The following SLC6A18 variants were observed in gnomAD, a reference collection of about 807,000 sequenced individuals.
The protein encoded by SLC6A18 is solute carrier family 6 member 18, also known as inactive sodium-dependent neutral amino acid transporter B(0)AT3.
In SLC6A18, 58 loss-of-function variants were observed where a neutral mutation model predicts 62.9. The ratio of observed to expected loss-of-function variants is 0.92; its 90% CI spans 0.75 to 1.15. SLC6A18 has a LOEUF of 1.15. Ranked by LOEUF, SLC6A18 falls within the 50% of genes most tolerant of loss-of-function variation. The pLI is 0.00. For missense variants in SLC6A18, 793 were observed against 836.6 expected, an observed-to-expected ratio of 0.95 and a Z score of 0.64; for synonymous variants, 382 against 365.8, an observed-to-expected ratio of 1.04 and a Z score of -0.51.
chr5:1,244,486 C>T (rs1747161215), intron 10 of SLC6A18, 113 bp downstream of exon 10: 1 of 1,552,416 alleles, frequency 6.4e-7, no homozygotes, highest in African/African-American at 1.4e-5. Flanking sequence ...AATGTTCTGC[C>T]CTGGGGAGCT....
At position 1,245,998 on chromosome 5, in the gene SLC6A18, G is replaced by T. The variant is rs765478818; in HGVS notation, c.1807G>T (p.Ala603Ser). 2.5e-6 allele frequency: 4 copies of T among 1,597,124 alleles called. No homozygotes were observed. Among genetic ancestry groups the T allele is most frequent in the African/African-American group, 2.7e-5 (2 of 74,770 alleles). ...GAGGCGGACGTGGAGGGACAGGGAC[G>T]CGCGCCCAGACACGGACATGCGCCC... is the stretch of plus-strand genomic sequence containing the variant. ...RRRRTWRDRD[A>S]RPDTDMRPDT... Residue 603 changes from alanine to serine, a missense_variant, in exon 12 of 12, where the codon GCG (alanine) becomes TCG (serine). Ala to Ser is a moderately conservative substitution (Grantham distance 99). Coordinates refer to ENST00000324642, the MANE Select transcript of SLC6A18 (RefSeq NM_182632.3).
At position 1,243,642 on chromosome 5, in the gene SLC6A18, T is replaced by G; in HGVS notation, c.1219T>G (p.Phe407Val). Residue 407 changes from phenylalanine to valine, a missense_variant, in exon 9 of 12, where the codon TTC becomes GTC. Transcript: ENST00000324642. The surrounding 1 kb of genome is among the most constrained non-coding windows in gnomAD (Gnocchi z 6.5). ...GGCTCCTGTGTGGGCCATGCTCTTC[T>G]TCGGGATGCTGTTCACCTTGGGGCT... ...PGAPVWAMLF[F>V]GMLFTLGLST... 1 of 1,614,118 alleles carries G rather than the reference T, an allele frequency of 6.2e-7. No homozygotes were observed. Among genetic ancestry groups the G allele is most frequent in the Non-Finnish European group, 8.5e-7 (1 of 1,180,012 alleles).
rs1341446193 is a variant in SLC6A18, at chr5:1,244,378, G to T, written c.1496+5G>T. The T allele has an allele frequency of 8.1e-6, 13 of 1,613,796 alleles. No homozygotes were observed. Among genetic ancestry groups the T allele is most frequent in the South Asian group, 4.4e-5 (4 of 91,076 alleles). ...TTATGTTTATGGAATGAAACGGTGA[G>T]CTGCCGCCCCGCCGAGTGCTCCTCT... On this transcript the variant is annotated splice_donor_5th_base_variant and intron_variant, in intron 10 of 11. Transcript: ENST00000324642.
intron 9 of SLC6A18, among the ~76,000 whole-genome samples, 200 bp from the exon 10 acceptor site, chr5:1,244,014 C>T (rs1747142198): frequency 6.6e-6 from 1 of 152,154 alleles, no homozygotes; most frequent in Non-Finnish European, 1.5e-5. Context: ...CAGGTCCTTC[C>T]TGCTCCTTGA....
rs569017258 is a variant in SLC6A18, at chr5:1,235,256, G to A, written c.440-225G>A. 3.5e-4 allele frequency among the ~76,000 whole-genome samples: 54 copies of A among 152,318 alleles called. No individual in the cohort carries two copies. The East Asian group carries it at 6.9e-3, about 20-fold the overall frequency. The stretch of plus-strand genomic sequence containing the variant: ...AGGCTGCCCCGGCTCAGCAGGGCTC[G>A]TAAACCTTCGCAAAGTGGAGCTTCC... On this transcript the variant is annotated intron_variant, in intron 3 of 11. Coordinates refer to ENST00000324642, the MANE Select transcript of SLC6A18 (RefSeq NM_182632.3).
chr5:1,243,723 G>A lies in SLC6A18; in HGVS notation c.1300G>A (p.Val434Ile), dbSNP rs745545985. The A allele has an allele frequency of 1.8e-5, 29 of 1,613,072 alleles. No homozygotes were observed. The highest frequency in any genetic ancestry group is 2.5e-5 in the Non-Finnish European group (29 of 1,179,750). The change falls in exon 9 of 12, where the codon GTC becomes ATC. Residue 434 changes from valine (V) to isoleucine (I), a missense_variant. By Grantham distance (29) the Val-to-Ile change is conservative (BLOSUM62 3). Transcript: ENST00000324642. The surrounding 1 kb of genome is among the most constrained non-coding windows in gnomAD (Gnocchi z 6.5). ...CATCACACCCCTGCTGGACGTGGGG[G>A]TCCTGCCTAGATGGGTCCCCAAGGA... ...AVITPLLDVG[V>I]LPRWVPKEAL...
rs924665202 is a variant in SLC6A18, at chr5:1,246,120, G to T, written c.*42G>T. 7 of 1,521,516 alleles carry T rather than the reference G, an allele frequency of 4.6e-6. No individual in the cohort carries two copies. The highest frequency in any genetic ancestry group is 6.1e-6 in the Non-Finnish European group (7 of 1,140,160). The allele number at this position is 1,521,516 out of a possible 1,614,324, so 94.3% of individuals were successfully genotyped here. ...GCCTGCATGGGCGGGTCTGTGGGGG[G>T]GCTTGGCCTGATGGTGGGCGGGGCC... On this transcript the variant is annotated 3_prime_UTR_variant, in exon 12 of 12. Transcript: ENST00000324642.
Position 1,241,876 on chromosome 5 carries a change from C to T in SLC6A18, c.975-831C>T, listed in dbSNP as rs1331964817. Among the ~76,000 whole-genome samples the T allele has an allele frequency of 6.6e-6, 1 of 152,330 alleles. No homozygotes were observed. Among genetic ancestry groups the T allele is most frequent in the East Asian group, 1.9e-4 (1 of 5,192 alleles). On this transcript the variant is annotated intron_variant, in intron 7 of 11. Transcript: ENST00000324642. This position sits in a 1 kb window ranked among gnomAD's most constrained non-coding sequence, Gnocchi z 7.8. ...GACCAGCCGTGCGCACAACGCCCTGCGCCGTGCAGCCCAAGCTGGCCTCGT... is the reference window on the plus strand; with the variant it reads ...GACCAGCCGTGCGCACAACGCCCTGTGCCGTGCAGCCCAAGCTGGCCTCGT...
At chr5:1,232,473 G>A in intron 2 of SLC6A18, 114 bp downstream of exon 2, 1 of 1,400,078 alleles carries the variant, frequency 7.1e-7, no homozygotes. Context: ...GCCAGGCCAG[G>A]CCGGCGGGTG....
At chr5:1,239,677 A>C in intron 6 of SLC6A18, 115 bp downstream of exon 6, 1 of 793,888 alleles carries the variant, frequency 1.3e-6, no homozygotes, top group Non-Finnish European at 2.1e-6. Flanking sequence ...AACCTGAGAT[A>C]AGAACCTCAC....
chr5:1,232,092 C>G, intron 1 of SLC6A18, 127 bp from the exon 2 acceptor site: 1 of 817,876 alleles, frequency 1.2e-6, no homozygotes, highest in East Asian at 2.7e-5. Flanking sequence ...CTCCACCACC[C>G]AAGTGGTGCC....
At chr5:1,233,926 A>T (rs568454665) in intron 3 of SLC6A18, among the ~76,000 whole-genome samples, 1 of 151,960 alleles carries the variant, frequency 6.6e-6, no homozygotes, top group Non-Finnish European at 1.5e-5. Context: ...TATTTTTAGT[A>T]GAGACGGGGT....
intron 5 of SLC6A18, among the ~76,000 whole-genome samples, chr5:1,239,248 A>G (rs1466142081): frequency 6.6e-6 from 1 of 152,234 alleles, no homozygotes; most frequent in Non-Finnish European, 1.5e-5. Flanking sequence ...CATCCCGGAC[A>G]GGGGCCTGGC....
At chr5:1,244,163 A>AC in intron 9 of SLC6A18, 51 bp from the exon 10 acceptor site, 1 of 958,992 alleles carries the variant, frequency 1.0e-6, no homozygotes, top group South Asian at 1.5e-5. Context: ...CCCTCCCCAC[A>AC]CCTCCACTCC....
At chr5:1,240,389 G>A in intron 6 of SLC6A18, 142 bp from the exon 7 acceptor site, 5 of 1,251,252 alleles carry the variant, frequency 4.0e-6, no homozygotes, top group Non-Finnish European at 5.5e-6. Flanking sequence ...TCCAGGACTG[G>A]CAGCAGCAGC....
Position 1,232,825 on chromosome 5 carries a change from C to A in SLC6A18, c.376C>A (p.Leu126Ile). ...NTIVAWVLWYLLNSFQHPLPW... is the reference protein window; with the variant it reads ...NTIVAWVLWYILNSFQHPLPW... ...CATCGTGGCGTGGGTGCTGTGGTAC[C>A]TCCTCAACTCCTTCCAGCACCCGCT... Residue 126 changes from leucine (L) to isoleucine (I), a missense_variant, in exon 3 of 12, where the codon CTC (leucine) becomes ATC (isoleucine). Physicochemically the swap from Leu to Ile is conservative, Grantham distance 5 (BLOSUM62 2). Coordinates refer to ENST00000324642, the MANE Select transcript of SLC6A18 (RefSeq NM_182632.3). 6.2e-7 allele frequency: 1 copy of A among 1,613,356 alleles called. No individual in the cohort carries two copies. The highest frequency in any genetic ancestry group is 8.5e-7 in the Non-Finnish European group (1 of 1,179,994).
intron 9 of SLC6A18, 41 bp from the exon 10 acceptor site, chr5:1,244,169 ACTCC>A: frequency 1.7e-6 from 1 of 602,358 alleles, no homozygotes; most frequent in Non-Finnish European, 2.8e-6. Context: ...CCACACCTCC[ACTCC>A]CCATCCCCTT....
intron 7 of SLC6A18, 45 bp downstream of exon 7, chr5:1,240,704 G>C: frequency 1.9e-6 from 3 of 1,607,776 alleles, no homozygotes; most frequent in Non-Finnish European, 2.5e-6. Flanking sequence ...ACAGCCGCCA[G>C]ACAGGTGCCT....
rs1294000988 is a variant in SLC6A18, at chr5:1,225,593, G to A, written c.116G>A (p.Gly39Glu). Residue 39 changes from glycine to glutamate, a missense_variant, in exon 1 of 12, where the codon GGG (glycine) becomes GAG (glutamate). Gly to Glu is a moderately conservative substitution (Grantham distance 98). Coordinates refer to ENST00000324642, the MANE Select transcript of SLC6A18 (RefSeq NM_182632.3). ...TGCACTGGGTTTGCCGTGGGACTGGGGAACATTTGGCGGTTCCCATACCTG... is the reference window on the plus strand; with the variant it reads ...TGCACTGGGTTTGCCGTGGGACTGGAGAACATTTGGCGGTTCCCATACCTG... ...LSCTGFAVGL[G>E]NIWRFPYLCQ... 1.2e-6 allele frequency: 2 copies of A among 1,608,254 alleles called. No individual in the cohort carries two copies. The highest frequency in any genetic ancestry group is 1.7e-6 in the Non-Finnish European group (2 of 1,177,006).
Sources: allele counts gnomAD v4.1 joint callset (sites outside exome capture counted in the v4.1 genomes callset), GRCh38; gene constraint gnomAD v4.1.1; non-coding constraint Gnocchi (gnomAD v3.1); transcripts MANE v1.5; gene names NCBI Gene and HGNC (gene_info 2026-07-23, HGNC 2026-07-21).